GLI3: variants seen among roughly 807,000 people sequenced by gnomAD.
GLI3 encodes transcription activator GLI3.
In GLI3, 20 loss-of-function variants were observed where a neutral mutation model predicts 100.8. The ratio of observed to expected loss-of-function variants is 0.20; its 90% CI spans 0.14 to 0.29. GLI3 has a LOEUF of 0.29. Ranked by LOEUF, GLI3 falls within the 10% of genes least tolerant of loss-of-function variation. The pLI is 1.00. For synonymous variants in GLI3, 938 were observed against 860.5 expected (o/e 1.09, Z -1.58); for missense variants, 2,040 against 2,128.5 (o/e 0.96, Z 0.82).
chr7:42,017,594 C>A (rs986529099), intron 10 of GLI3, among the ~76,000 whole-genome samples: 1 of 152,166 alleles, frequency 6.6e-6, no homozygotes, highest in Admixed American at 6.5e-5. Flanking sequence ...AATCTGTTTA[C>A]CATCCCTGTC....
intron 10 of GLI3, among the ~76,000 whole-genome samples, chr7:41,986,609 C>A (rs973870926): frequency 2.6e-5 from 4 of 151,978 alleles, no homozygotes; most frequent in Non-Finnish European, 4.4e-5. Context: ...CTGCATGATT[C>A]CATTTATATG....
intron 3 of GLI3, chr7:42,118,205 T>A (rs1785908454): frequency 2.5e-6 from 1 of 397,478 alleles, no homozygotes; most frequent in African/African-American, 2.1e-5. Context: ...CTTTCCATTA[T>A]TTTTTATTTT....
chr7:42,125,744 C>T (rs1786110356), intron 3 of GLI3, among the ~76,000 whole-genome samples: 1 of 152,186 alleles, frequency 6.6e-6, no homozygotes. Context: ...GAGCTGTCCT[C>T]AGGAGACAAG....
At chr7:42,086,581 G>C (rs569700483) in intron 3 of GLI3, among the ~76,000 whole-genome samples, 78 of 152,180 alleles carry the variant, frequency 5.1e-4, no homozygotes, top group Admixed American at 2.1e-3. Context: ...CCGAGAGTCA[G>C]TGCCCCCTCA....
intron 2 of GLI3, among the ~76,000 whole-genome samples, chr7:42,149,156 A>G (rs908761145): frequency 1.3e-5 from 2 of 152,196 alleles, no homozygotes; most frequent in African/African-American, 2.4e-5. Context: ...CTGTCCATAC[A>G]ACAAAGCTGA....
At chr7:42,020,803 T>C (rs1323928968) in intron 10 of GLI3, among the ~76,000 whole-genome samples, 2 of 148,758 alleles carry the variant, frequency 1.3e-5, no homozygotes, top group Non-Finnish European at 3.0e-5. Flanking sequence ...GGCAGGAGAA[T>C]GGCGTGAACC....
chr7:42,092,811 TTATGTATTTATG>T (rs368162761), intron 3 of GLI3, among the ~76,000 whole-genome samples: 27,852 of 146,922 alleles, frequency 0.19, 2,921 homozygotes, highest in Admixed American at 0.33. Flanking sequence ...ATTTATTTAT[TTATGTATTTATG>T]TATTTATAGA....
chr7:42,167,187 T>C (rs1213644551), intron 2 of GLI3, among the ~76,000 whole-genome samples: 2 of 152,086 alleles, frequency 1.3e-5, no homozygotes, highest in Non-Finnish European at 2.9e-5. Flanking sequence ...GAACATGATA[T>C]TGCTATTCAT....
At chr7:42,042,706 G>C (rs372454431) in intron 6 of GLI3, among the ~76,000 whole-genome samples, 1 of 152,306 alleles carries the variant, frequency 6.6e-6, no homozygotes, top group Middle Eastern at 3.4e-3. Flanking sequence ...AGGGTGAGGG[G>C]CCTCTCAAGA....
intron 3 of GLI3, among the ~76,000 whole-genome samples, chr7:42,101,298 G>A (rs1355240593): frequency 1.3e-5 from 2 of 152,044 alleles, no homozygotes; most frequent in South Asian, 4.2e-4. Context: ...AGGCATTCTG[G>A]GGTGATAAAT....
At chr7:42,064,169 A>G (rs1448493115) in intron 4 of GLI3, among the ~76,000 whole-genome samples, 1 of 152,190 alleles carries the variant, frequency 6.6e-6, no homozygotes, top group Non-Finnish European at 1.5e-5. Context: ...ACATAAGGAA[A>G]GTGCAGGCAA....
chr7:42,023,033 C>T lies in GLI3; in HGVS notation c.1497+435G>A, dbSNP rs147100004. Among the ~76,000 whole-genome samples, 1,258 of 152,208 alleles carry T rather than the reference C, an allele frequency of 8.3e-3. 18 individuals carry two copies. The highest frequency in any genetic ancestry group is 0.029 in the African/African-American group (1,191 of 41,548). ...GAGTACTAACTGCAGCTTAAAAGAA[C>T]GGGAGCTTCCTTAGGCTTTGAGAGT... On this transcript the variant is annotated intron_variant, in intron 10 of 14. Coordinates refer to ENST00000395925, the MANE Select transcript of GLI3 (RefSeq NM_000168.6).
intron 2 of GLI3, among the ~76,000 whole-genome samples, chr7:42,175,553 G>A (rs1279763858): frequency 6.6e-6 from 1 of 152,146 alleles, no homozygotes; most frequent in Non-Finnish European, 1.5e-5. Flanking sequence ...GGGAGGCAAA[G>A]GTTGCAGTGA....
At chr7:42,169,071 T>A (rs562867020) in intron 2 of GLI3, among the ~76,000 whole-genome samples, 2 of 152,348 alleles carry the variant, frequency 1.3e-5, no homozygotes, top group Admixed American at 1.3e-4. Flanking sequence ...AACTGCCCAT[T>A]TATGAGATGT....
rs375904354 is a variant in GLI3, at chr7:42,026,174, G to T, written c.1242+25C>A. On this transcript the variant is annotated intron_variant, in intron 8 of 14. Transcript: ENST00000395925. Reference sequence around the variant, plus strand: ...CCACCCTCGGCTGACCAGCACGGCCGGGTGCATCGACCTGTCCCTCTCACC... The same window carrying T: ...CCACCCTCGGCTGACCAGCACGGCCTGGTGCATCGACCTGTCCCTCTCACC... 9 of 1,560,866 alleles carry T rather than the reference G, an allele frequency of 5.8e-6. No individual in the cohort carries two copies. In the African/African-American group the frequency reaches 1.1e-4, roughly 19 times the overall value.
chr7:41,990,657 T>C (rs556926803), intron 10 of GLI3, among the ~76,000 whole-genome samples: 3 of 152,190 alleles, frequency 2.0e-5, no homozygotes, highest in African/African-American at 7.2e-5. Flanking sequence ...GTATTTTTAA[T>C]ATTGGGAGAA....
chr7:42,196,887 G>A (rs1787937240), intron 2 of GLI3, among the ~76,000 whole-genome samples: 1 of 152,188 alleles, frequency 6.6e-6, no homozygotes, highest in African/African-American at 2.4e-5. Context: ...GAACAAAATG[G>A]TAAAGAAGCC....
chr7:42,251,424 T>A (rs1416120722), intron 1 of GLI3, among the ~76,000 whole-genome samples: 3 of 152,182 alleles, frequency 2.0e-5, no homozygotes, highest in African/African-American at 7.2e-5. Flanking sequence ...GCGGCGATGC[T>A]CTAATGCTCG....
intron 13 of GLI3, among the ~76,000 whole-genome samples, chr7:41,968,713 GAAGAAAGAAAGAAAGAAAGA>G (rs1231824406): frequency 1.5e-4 from 14 of 93,890 alleles, no homozygotes; most frequent in East Asian, 5.2e-4. Flanking sequence ...AAGAAAGAAA[GAAGAAAGAAAGAAAGAAAGA>G]AAGAAAGAAA....
Sources: gnomAD v4.1 joint callset for allele counts (sites outside exome capture counted in the v4.1 genomes callset) on GRCh38, gnomAD v4.1.1 for gene constraint, MANE v1.5 for transcripts, NCBI Gene and HGNC (gene_info 2026-07-23, HGNC 2026-07-21) for gene names.